Variants in HAVCR1 observed in about 807,000 individuals in gnomAD.
The protein encoded by HAVCR1 is hepatitis A virus cellular receptor 1, also known as T cell immunoglobin domain and mucin domain protein 1.
Under a neutral mutation model 32.0 loss-of-function variants are expected in HAVCR1, and 34 were observed. The ratio of observed to expected loss-of-function variants is 1.06; its 90% CI spans 0.81 to 1.42. HAVCR1 has a LOEUF of 1.42. Ranked by LOEUF, HAVCR1 falls within the 40% of genes most tolerant of loss-of-function variation. The pLI is 0.00. For synonymous variants in HAVCR1, 178 were observed against 170.3 expected, an observed-to-expected ratio of 1.05 and a Z score of -0.35; for missense variants, 420 against 442.3, an observed-to-expected ratio of 0.95 and a Z score of 0.45.
At chr5:157,043,019 T>A (rs2113543812) in intron 5 of HAVCR1, among the ~76,000 whole-genome samples, 1 of 152,328 alleles carries the variant, frequency 6.6e-6, no homozygotes, top group South Asian at 2.1e-4. Context: ...AGAATGCCAT[T>A]TAAAGGCAAT....
chr5:157,053,556 T>A (rs1009827236), intron 3 of HAVCR1, among the ~76,000 whole-genome samples: 3 of 151,992 alleles, frequency 2.0e-5, no homozygotes, highest in Non-Finnish European at 2.9e-5. Context: ...TGTAAGACCT[T>A]AGTGGAAGAA....
intron 5 of HAVCR1, among the ~76,000 whole-genome samples, chr5:157,045,715 A>G (rs945473171): frequency 3.3e-5 from 5 of 152,164 alleles, no homozygotes; most frequent in East Asian, 1.9e-4. Flanking sequence ...GACAGCTCCA[A>G]TCCTTTCCAG....
chr5:157,042,340 G>A (rs1329246479), intron 6 of HAVCR1, among the ~76,000 whole-genome samples: 1 of 151,660 alleles, frequency 6.6e-6, no homozygotes, highest in Admixed American at 6.6e-5. Flanking sequence ...TATTCGGGAG[G>A]CTGAGGCAGG....
intron 7 of HAVCR1, among the ~76,000 whole-genome samples, chr5:157,036,490 T>G (rs1754542724): frequency 6.6e-6 from 1 of 152,158 alleles, no homozygotes; most frequent in South Asian, 2.1e-4. Flanking sequence ...AAAAAAATTC[T>G]TATAGAATTA....
chr5:157,057,376 G>A (rs1451200649), intron 2 of HAVCR1, among the ~76,000 whole-genome samples: 1 of 141,346 alleles, frequency 7.1e-6, no homozygotes, highest in Non-Finnish European at 1.5e-5. Flanking sequence ...GAGAGAGAGA[G>A]AGAGAGAGAG....
At position 157,057,921 on chromosome 5, in the gene HAVCR1, A is replaced by G; in HGVS notation, c.23T>C (p.Leu8Ser). 6.2e-7 allele frequency: 1 copy of G among 1,613,890 alleles called. No individual in the cohort carries two copies. The highest frequency in any genetic ancestry group is 8.5e-7 in the Non-Finnish European group (1 of 1,179,850). The change falls in exon 2 of 9, where the codon TTA becomes TCA. Residue 8 changes from leucine to serine, a missense_variant. By Grantham distance (145) the Leu-to-Ser change is moderately radical. Coordinates refer to ENST00000523175, the MANE Select transcript of HAVCR1 (RefSeq NM_001173393.3). ...ACCTGCCAGATGTAGGATGAGGCTTAAGATGACCACTTGAGGATGCATTAT... is the reference window on the plus strand; with the variant it reads ...ACCTGCCAGATGTAGGATGAGGCTTGAGATGACCACTTGAGGATGCATTAT... MHPQVVI[L>S]SLILHLADSV...
At chr5:157,049,972 T>C (rs1051419351) in intron 4 of HAVCR1, among the ~76,000 whole-genome samples, 1 of 152,362 alleles carries the variant, frequency 6.6e-6, no homozygotes, top group East Asian at 1.9e-4. Flanking sequence ...TTTGCAAAGT[T>C]GATCACTTGC....
At chr5:157,064,829 C>T in the HAVCR1 span, among the ~76,000 whole-genome samples, 3 of 152,086 alleles carry the variant, frequency 2.0e-5, no homozygotes, top group Middle Eastern at 3.2e-3. Flanking sequence ...GATCGTGACA[C>T]TGCACTCTAG....
rs1380140509 is a variant in HAVCR1 at position 157,029,651 on chromosome 5, G to T, written c.*82C>A. 15 of 1,591,206 alleles carry T rather than the reference G, an allele frequency of 9.4e-6. No individual in the cohort carries two copies. In the Admixed American group the frequency reaches 2.6e-4, roughly 28 times the overall value. On this transcript the variant is annotated 3_prime_UTR_variant, in exon 9 of 9. Transcript: ENST00000523175. ...ACTGAAACAGAAAAATTGTCTTGGG[G>T]TCTAAAAGACGTCTGATGTGCTGAT... is the stretch of plus-strand genomic sequence containing the variant.
intron 5 of HAVCR1, among the ~76,000 whole-genome samples, chr5:157,046,469 T>C (rs1239004288): frequency 6.6e-6 from 1 of 152,218 alleles, no homozygotes; most frequent in African/African-American, 2.4e-5. Context: ...AAGAGGCCTG[T>C]TCAGACTTGA....
chr5:157,035,048 CA>C (rs1175523729), intron 7 of HAVCR1, among the ~76,000 whole-genome samples: 1 of 149,046 alleles, frequency 6.7e-6, no homozygotes, highest in Admixed American at 6.7e-5. Flanking sequence ...ACTCTGTCTC[CA>C]AAAAAAAAGA....
At chr5:157,041,001 C>A (rs1427013500) in intron 6 of HAVCR1, among the ~76,000 whole-genome samples, 1 of 152,092 alleles carries the variant, frequency 6.6e-6, no homozygotes, top group Non-Finnish European at 1.5e-5. Context: ...AAGTTACTTG[C>A]ACATACTAAA....
intron 7 of HAVCR1, among the ~76,000 whole-genome samples, chr5:157,035,511 C>T (rs1754473050): frequency 6.6e-6 from 1 of 152,098 alleles, no homozygotes; most frequent in Non-Finnish European, 1.5e-5. Context: ...TTTTTGAAGA[C>T]TTTTGTTTTA....
chr5:157,060,171 G>A (rs1465454785), upstream of HAVCR1, among the ~76,000 whole-genome samples: 3 of 151,848 alleles, frequency 2.0e-5, no homozygotes, highest in African/African-American at 7.3e-5. Flanking sequence ...TATATAATCA[G>A]ACTACATCAT....
upstream of HAVCR1, among the ~76,000 whole-genome samples, chr5:157,061,759 G>C (rs760507843): frequency 1.3e-5 from 2 of 152,080 alleles, no homozygotes; most frequent in African/African-American, 2.4e-5. Context: ...CAAACCCATA[G>C]GGAAAGACCA....
chr5:157,045,479 TATC>T (rs1289199745), intron 5 of HAVCR1, among the ~76,000 whole-genome samples: 2 of 152,084 alleles, frequency 1.3e-5, no homozygotes, highest in African/African-American at 4.8e-5. Context: ...ACTTTCCAAA[TATC>T]ATATACTCTA....
At chr5:157,034,742 CT>C (rs1454128869) in intron 7 of HAVCR1, among the ~76,000 whole-genome samples, 1 of 152,076 alleles carries the variant, frequency 6.6e-6, no homozygotes, top group Non-Finnish European at 1.5e-5. Flanking sequence ...ATGGCGATGA[CT>C]TTTACCAAGC....
intron 5 of HAVCR1, among the ~76,000 whole-genome samples, chr5:157,044,183 A>G (rs2113550163): frequency 6.6e-6 from 1 of 151,940 alleles, no homozygotes; most frequent in East Asian, 1.9e-4. Flanking sequence ...AATATAAAAA[A>G]TTAGCCAGCG....
intron 6 of HAVCR1, among the ~76,000 whole-genome samples, chr5:157,042,399 A>C (rs1467411711): frequency 6.8e-6 from 1 of 147,714 alleles, no homozygotes; most frequent in African/African-American, 2.5e-5. Context: ...CAGAGATTGC[A>C]CCACTGCACT....
Sources: gnomAD v4.1 joint callset for allele counts (sites outside exome capture counted in the v4.1 genomes callset) on GRCh38, gnomAD v4.1.1 for gene constraint, MANE v1.5 for transcripts, NCBI Gene and HGNC (gene_info 2026-07-23, HGNC 2026-07-21) for gene names.